Variants in PDCD6IP observed in about 807,000 individuals in gnomAD.
The protein encoded by PDCD6IP is programmed cell death 6-interacting protein.
In PDCD6IP, 43 loss-of-function variants were observed where a neutral mutation model predicts 103.7. The observed-to-expected ratio is 0.41, with a 90% CI of 0.32 to 0.53. The LOEUF (loss-of-function observed/expected upper bound fraction) is 0.53, where lower values mean the gene tolerates loss of function less well. Among genes scored for constraint, PDCD6IP ranks in the 20% least tolerant of loss-of-function variants. The pLI is 0.16. For synonymous variants in PDCD6IP, 354 were observed against 378.7 expected, an observed-to-expected ratio of 0.93 and a Z score of 0.76; for missense variants, 871 against 1,036.7, an observed-to-expected ratio of 0.84 and a Z score of 2.20.
chr3:33,798,950 C>T lies in PDCD6IP; in HGVS notation c.209+13C>T, dbSNP rs764725703. On this transcript the variant is annotated intron_variant, in intron 1 of 17. Coordinates refer to ENST00000307296, the MANE Select transcript of PDCD6IP (RefSeq NM_013374.6). ...AGACGCTCCTGAGGTGGGCGCGGGG[C>T]TGGGAGTGGGTAGGTTGTCTGCCAG... 3 of 1,518,684 alleles carry T rather than the reference C, an allele frequency of 2.0e-6. No homozygotes were observed. The highest frequency in any genetic ancestry group is 2.7e-6 in the Non-Finnish European group (3 of 1,124,560). 94.1% of individuals were successfully genotyped at this position (1,518,684 alleles called of 1,614,324 possible). A position where few individuals can be genotyped will look rare whatever the true frequency, so the allele number is the denominator to read the frequency against.
intron 1 of PDCD6IP, among the ~76,000 whole-genome samples, chr3:33,811,647 G>A (rs1696721553): frequency 6.6e-6 from 1 of 152,172 alleles, no homozygotes; most frequent in Non-Finnish European, 1.5e-5. Flanking sequence ...TTGATGTGCT[G>A]TGTGGCAGTG....
chr3:33,808,775 T>C (rs1220929129), intron 1 of PDCD6IP, among the ~76,000 whole-genome samples: 2 of 152,180 alleles, frequency 1.3e-5, no homozygotes, highest in Non-Finnish European at 2.9e-5. Flanking sequence ...TCCAAACCTT[T>C]TGATGATTCA....
At chr3:33,815,707 C>G (rs1007079515) in intron 3 of PDCD6IP, among the ~76,000 whole-genome samples, 8 of 152,120 alleles carry the variant, frequency 5.3e-5, no homozygotes, top group Non-Finnish European at 1.0e-4. Context: ...AGGCTTGACT[C>G]TGAGATTTAA....
intron 16 of PDCD6IP, among the ~76,000 whole-genome samples, chr3:33,864,551 A>T (rs1054153574): frequency 2.0e-5 from 3 of 152,214 alleles, no homozygotes; most frequent in African/African-American, 7.2e-5. Flanking sequence ...AATGCAGTAT[A>T]TGAACTTTAT....
chr3:33,811,141 T>C (rs1436617736), intron 1 of PDCD6IP: 2 of 418,672 alleles, frequency 4.8e-6, no homozygotes, highest in Non-Finnish European at 9.6e-6. Flanking sequence ...TGCCTCAGCC[T>C]CCCAGAGTGC....
chr3:33,863,024 T>G (rs1193661256), intron 15 of PDCD6IP, among the ~76,000 whole-genome samples: 3 of 152,210 alleles, frequency 2.0e-5, no homozygotes, highest in African/African-American at 7.2e-5. Flanking sequence ...AGGATTTAGA[T>G]TCTAGTCAAG....
intron 3 of PDCD6IP, among the ~76,000 whole-genome samples, chr3:33,821,176 ATT>A (rs201181955): frequency 6.9e-6 from 1 of 144,248 alleles, no homozygotes. Flanking sequence ...TTTAAAAACA[ATT>A]TTTTTTTTTT....
chr3:33,869,068 A>T lies in PDCD6IP; in HGVS notation c.*2543A>T, dbSNP rs948322928. On this transcript the variant is annotated 3_prime_UTR_variant, in exon 18 of 18. Transcript: ENST00000307296. ...CAAAACTAAGGAGTTGCAGAAAAAA[A>T]TGGATTTCACAGAGCCTTGTGTCCC... The T allele has an allele frequency of 1.3e-5, 2 of 152,216 alleles. No individual in the cohort carries two copies. Among genetic ancestry groups the T allele is most frequent in the African/African-American group, 4.8e-5 (2 of 41,456 alleles). The allele number at this position is 152,216 out of a possible 1,614,324, so 9.4% of individuals were successfully genotyped here.
chr3:33,812,996 T>C (rs1696752123), intron 2 of PDCD6IP, among the ~76,000 whole-genome samples: 1 of 152,218 alleles, frequency 6.6e-6, no homozygotes, highest in Non-Finnish European at 1.5e-5. Context: ...TGATAATACA[T>C]ATTTCAGGAG....
rs553479068 is a variant in PDCD6IP at position 33,820,991 on chromosome 3, A to G, written c.335-964A>G. 3.9e-5 allele frequency among the ~76,000 whole-genome samples: 6 copies of G among 152,174 alleles called. No homozygotes were observed. In the South Asian group the frequency reaches 1.2e-3, roughly 32 times the overall value. On this transcript the variant is annotated intron_variant, in intron 3 of 17. Transcript: ENST00000307296. ...GACCTGCCATATTGTTTTCCACAGC[A>G]GTTGTACTTTTTCTAATTTTTATTT...
intron 15 of PDCD6IP, 175 bp from the exon 16 acceptor site, chr3:33,863,831 T>G: frequency 1.7e-6 from 1 of 588,876 alleles, no homozygotes; most frequent in Non-Finnish European, 3.0e-6. Flanking sequence ...TTGAGGGACC[T>G]CCATACTGTT....
intron 10 of PDCD6IP, among the ~76,000 whole-genome samples, chr3:33,843,095 C>T (rs541145083): frequency 2.6e-5 from 4 of 152,094 alleles, no homozygotes; most frequent in Non-Finnish European, 4.4e-5. Context: ...ACAGATAGTG[C>T]GGTTTCTAGT....
rs530773999 is a variant in PDCD6IP at position 33,806,392 on chromosome 3, A to G, written c.210-5680A>G. 6.6e-5 allele frequency among the ~76,000 whole-genome samples: 10 copies of G among 152,346 alleles called. No individual in the cohort carries two copies. In the East Asian group the frequency reaches 1.9e-3, roughly 29 times the overall value. On this transcript the variant is annotated intron_variant, in intron 1 of 17. Transcript: ENST00000307296. ...AATTGAATAATTTTTTCATGATCACATAGCTAAGAGTTGGGATTCAAACTC... is the reference window on the plus strand; with the variant it reads ...AATTGAATAATTTTTTCATGATCACGTAGCTAAGAGTTGGGATTCAAACTC...
chr3:33,821,391 T>C (rs113853963), intron 3 of PDCD6IP, among the ~76,000 whole-genome samples: 1 of 152,168 alleles, frequency 6.6e-6, no homozygotes, highest in African/African-American at 2.4e-5. Context: ...TGTTTGTTTT[T>C]TAATAGGAGC....
At chr3:33,851,489 T>A (rs551958683) in intron 12 of PDCD6IP, among the ~76,000 whole-genome samples, 1 of 152,278 alleles carries the variant, frequency 6.6e-6, no homozygotes, top group Non-Finnish European at 1.5e-5. Context: ...TATTTTGTTT[T>A]GAGACAGGGT....
intron 15 of PDCD6IP, among the ~76,000 whole-genome samples, chr3:33,858,090 G>GT (rs1697868599): frequency 6.6e-6 from 1 of 152,142 alleles, no homozygotes; most frequent in Admixed American, 6.5e-5. Context: ...TACTGAAGTT[G>GT]TTGATCATAA....
intron 15 of PDCD6IP, among the ~76,000 whole-genome samples, chr3:33,858,215 T>C (rs971567574): frequency 1.3e-5 from 2 of 152,236 alleles, no homozygotes; most frequent in Admixed American, 6.5e-5. Flanking sequence ...AAGTTTGTCA[T>C]ATATGAGACC....
rs1473790523 is a variant in PDCD6IP, at chr3:33,845,525, A to G, written c.1578A>G (p.Pro526=). 6.2e-7 allele frequency: 1 copy of G among 1,614,006 alleles called. No homozygotes were observed. Among genetic ancestry groups the G allele is most frequent in the Non-Finnish European group, 8.5e-7 (1 of 1,179,890 alleles). ...ACACCATCGTGCTTTTGTGTAAGCCAGAGCCTGAGCTGAATGCTGCCATCC... is the reference window on the plus strand; with the variant it reads ...ACACCATCGTGCTTTTGTGTAAGCCGGAGCCTGAGCTGAATGCTGCCATCC... ...HRDTIVLLCK[P]EPELNAAIPS... The change falls in exon 12 of 18, where the codon CCA becomes CCG. Residue 526 remains proline, a synonymous_variant. Coordinates refer to ENST00000307296, the MANE Select transcript of PDCD6IP (RefSeq NM_013374.6).
chr3:33,857,778 C>T (rs889106745), intron 15 of PDCD6IP, among the ~76,000 whole-genome samples: 11 of 151,992 alleles, frequency 7.2e-5, no homozygotes, highest in Admixed American at 2.6e-4. Context: ...TAGATGCTTC[C>T]GTAACATGAA....
Sources: allele counts gnomAD v4.1 joint callset (sites outside exome capture counted in the v4.1 genomes callset), GRCh38; gene constraint gnomAD v4.1.1; transcripts MANE v1.5; gene names NCBI Gene and HGNC (gene_info 2026-07-23, HGNC 2026-07-21).